TUB: variants seen among roughly 807,000 people sequenced by gnomAD.
The protein encoded by TUB is tubby protein homolog.
In TUB, 33 loss-of-function variants were observed where a neutral mutation model predicts 59.7. That is an observed-to-expected ratio of 0.55 (90% confidence interval 0.42 to 0.74). TUB has a LOEUF of 0.74. Among genes scored for constraint, TUB ranks in the 30% least tolerant of loss-of-function variants. The pLI is 0.00. For synonymous variants in TUB, 293 were observed against 256.4 expected, an observed-to-expected ratio of 1.14 and a Z score of -1.36; for missense variants, 659 against 672.0, an observed-to-expected ratio of 0.98 and a Z score of 0.21.
At chr11:8,099,523 G>C (rs547894316) in intron 9 of TUB, among the ~76,000 whole-genome samples, 101 of 152,290 alleles carry the variant, frequency 6.6e-4, no homozygotes, top group African/African-American at 2.3e-3. Flanking sequence ...GAGGCAGCCT[G>C]AGTCTTCAAG....
intron 2 of TUB, among the ~76,000 whole-genome samples, chr11:8,049,335 C>T (rs368825181): frequency 2.6e-5 from 4 of 152,082 alleles, no homozygotes; most frequent in African/African-American, 9.6e-5. Context: ...TGAAGGGTGC[C>T]GTATTGGAGG....
intron 1 of TUB, chr11:8,039,044 C>T: frequency 6.2e-7 from 1 of 1,610,850 alleles, no homozygotes; most frequent in South Asian, 1.1e-5. Context: ...CTTTCAACAT[C>T]CTGCCTTTAG....
chr11:8,060,383 G>A (rs532505470), intron 2 of TUB, among the ~76,000 whole-genome samples: 2 of 152,174 alleles, frequency 1.3e-5, no homozygotes, highest in South Asian at 4.1e-4. Context: ...CATGGGTCGG[G>A]TTGCTGGCCA....
At chr11:8,039,127 C>T in intron 1 of TUB, 3 of 1,417,300 alleles carry the variant, frequency 2.1e-6, no homozygotes, top group Non-Finnish European at 9.4e-7. Flanking sequence ...AGTCCCAAGG[C>T]CTCCCCTTCC....
upstream of TUB, among the ~76,000 whole-genome samples, chr11:8,080,785 G>A (rs1349590273): frequency 6.6e-6 from 1 of 152,170 alleles, no homozygotes; most frequent in Middle Eastern, 3.2e-3. Context: ...GAACTCGGAG[G>A]TGGGGGTGAG....
At chr11:8,061,109 C>T (rs1488651607) in intron 2 of TUB, among the ~76,000 whole-genome samples, 2 of 152,222 alleles carry the variant, frequency 1.3e-5, no homozygotes, top group Admixed American at 6.5e-5. Context: ...AGCCACAGGT[C>T]GGCCCCCTCG....
chr11:8,084,170 G>A (rs182944543), intron 1 of TUB, among the ~76,000 whole-genome samples: 1 of 152,264 alleles, frequency 6.6e-6, no homozygotes, highest in Admixed American at 6.5e-5. Flanking sequence ...TGCTGGTTCT[G>A]CTGGTGAGGG....
In TUB at chr11:8,074,459, T is replaced by C. The variant is rs146533136; in HGVS notation, c.204-15151T>C. ...TGTCATTAAAAATTCTCTATAAGGC[T>C]GGGTGCGATGGCTCACACCTGTAAT... On this transcript the variant is annotated intron_variant, in intron 2 of 12. Transcript: ENST00000305253. 1.7e-3 allele frequency among the ~76,000 whole-genome samples: 265 copies of C among 152,268 alleles called. 2 individuals carry two copies. The highest frequency in any genetic ancestry group is 6.1e-3 in the African/African-American group (253 of 41,570).
At chr11:8,038,135 T>C (rs376492992), upstream of TUB, among the ~76,000 whole-genome samples, 1 of 152,214 alleles carries the variant, frequency 6.6e-6, no homozygotes, top group East Asian at 1.9e-4. Context: ...AGAGTGAATG[T>C]TCAGACTCAC....
At chr11:8,070,059 T>A (rs1301175604) in intron 2 of TUB, among the ~76,000 whole-genome samples, 1 of 152,210 alleles carries the variant, frequency 6.6e-6, no homozygotes, top group Non-Finnish European at 1.5e-5. Flanking sequence ...CCACACTGGC[T>A]TTCTTATCAC....
At chr11:8,066,144 A>G (rs1206859696) in intron 2 of TUB, among the ~76,000 whole-genome samples, 1 of 152,152 alleles carries the variant, frequency 6.6e-6, no homozygotes, top group Non-Finnish European at 1.5e-5. Flanking sequence ...CTCCAAGGGT[A>G]CTGCCAGGGG....
chr11:8,043,527 A>G lies in TUB; in HGVS notation c.203+3835A>G, dbSNP rs145122787. Among the ~76,000 whole-genome samples the G allele has an allele frequency of 4.5e-3, 687 of 152,348 alleles. 5 individuals are homozygous for G. Among genetic ancestry groups the G allele is most frequent in the African/African-American group, 0.016 (646 of 41,588 alleles). ...TCAGTTTGGAGAGTATTGCCATCTT[A>G]ATAGTATATAGTCTTTTGATCCATA... On this transcript the variant is annotated intron_variant, in intron 2 of 12. Transcript: ENST00000305253.
chr11:8,092,727 AC>A (rs1413894882), intron 3 of TUB, among the ~76,000 whole-genome samples: 1 of 152,150 alleles, frequency 6.6e-6, no homozygotes, highest in Non-Finnish European at 1.5e-5. Flanking sequence ...CAAATGGTGG[AC>A]AAAGCTCTGG....
chr11:8,039,787 G>C, intron 2 of TUB: 1 of 1,108,514 alleles, frequency 9.0e-7, no homozygotes, highest in Non-Finnish European at 1.2e-6. Context: ...GTGGCTCAGG[G>C]GCCATGAACC....
chr11:8,101,511 C>T lies in TUB; in HGVS notation c.1413C>T (p.Gly471=), dbSNP rs2133919719. ...NDPDYIVMQF[G]RVAEDVFTMD... is the part of the protein sequence containing the mutation. ...CGGACTACATCGTGATGCAGTTTGGCCGGGTAGCAGAGGATGTGTTCACCA... is the reference window on the plus strand; with the variant it reads ...CGGACTACATCGTGATGCAGTTTGGTCGGGTAGCAGAGGATGTGTTCACCA... The change falls in exon 12 of 12, where the codon GGC becomes GGT. Residue 471 remains glycine (G), a synonymous_variant. Coordinates refer to ENST00000299506, the MANE Select transcript of TUB (RefSeq NM_177972.3). 6.2e-7 allele frequency: 1 copy of T among 1,614,206 alleles called. No homozygotes were observed. Among genetic ancestry groups the T allele is most frequent in the Middle Eastern group, 1.6e-4 (1 of 6,062 alleles).
At chr11:8,026,657 T>C (rs1448650282) in intron 1 of TUB, among the ~76,000 whole-genome samples, 4 of 152,210 alleles carry the variant, frequency 2.6e-5, no homozygotes, top group Admixed American at 6.5e-5. Flanking sequence ...AAAATACTTA[T>C]AAGTATTGAA....
chr11:8,106,201 G>GTACACACATAT lies in TUB; in HGVS notation c.*4583_*4593dup, dbSNP rs1332704386. On this transcript the variant is annotated 3_prime_UTR_variant, in exon 12 of 12. Coordinates refer to ENST00000299506, the MANE Select transcript of TUB (RefSeq NM_177972.3). ...GTTGTAGAATTTAGTGTTTGTCTAA[G>GTACACACATAT]TACACACATATATCAACAAATTAAA... 10 of 152,050 alleles carry GTACACACATAT rather than the reference G, an allele frequency of 6.6e-5. No homozygotes were observed. The highest frequency in any genetic ancestry group is 2.2e-4 in the African/African-American group (9 of 41,412). 9.4% of individuals were successfully genotyped at this position (152,050 alleles called of 1,614,324 possible).
intron 8 of TUB, 94 bp from the exon 9 acceptor site, chr11:8,098,664 T>A (rs1944115020): frequency 1.1e-6 from 1 of 887,884 alleles, no homozygotes; most frequent in Non-Finnish European, 1.8e-6. Context: ...CAGCCCAGAA[T>A]GTTTTGCAGG....
chr11:8,067,137 C>T (rs1425651703), intron 2 of TUB, among the ~76,000 whole-genome samples: 4 of 152,206 alleles, frequency 2.6e-5, no homozygotes, highest in Non-Finnish European at 4.4e-5. Context: ...GTAAGTCTGA[C>T]GCCAATGAGG....
Sources: gnomAD v4.1 joint callset for allele counts (sites outside exome capture counted in the v4.1 genomes callset) on GRCh38, gnomAD v4.1.1 for gene constraint, MANE v1.5 for transcripts, NCBI Gene and HGNC (gene_info 2026-07-23, HGNC 2026-07-21) for gene names.